The following SLC35G2 variants were observed in gnomAD, a reference collection of about 807,000 sequenced individuals.
SLC35G2 encodes the protein transmembrane protein 22.
Under a neutral mutation model 27.2 loss-of-function variants are expected in SLC35G2, and 20 were observed. The ratio of observed to expected loss-of-function variants is 0.74; its 90% CI spans 0.52 to 1.07. SLC35G2 has a LOEUF of 1.07. Among genes scored for constraint, SLC35G2 ranks in the 50% least tolerant of loss-of-function variants. The probability of loss-of-function intolerance (pLI) is 0.00; values close to 1 mark genes in which losing one functional copy is unlikely to be tolerated. For synonymous variants in SLC35G2, 148 were observed against 165.3 expected (o/e 0.90, Z 0.80); for missense variants, 416 against 493.3 (o/e 0.84, Z 1.48).
intron 1 of SLC35G2, among the ~76,000 whole-genome samples, chr3:136,836,548 G>T (rs1298552696): frequency 6.6e-6 from 1 of 152,182 alleles, no homozygotes; most frequent in Non-Finnish European, 1.5e-5. Flanking sequence ...GTTGATTTGT[G>T]AAACAGCTTC....
Position 136,854,591 on chromosome 3 carries a change from G to C in SLC35G2, c.131G>C (p.Gly44Ala), listed in dbSNP as rs750239917. Reference sequence around the variant, plus strand: ...GATGGATATGAAGAAATCAATGAAGGCTATGGAAATTTTATGGAGGAAAAT... The same window carrying C: ...GATGGATATGAAGAAATCAATGAAGCCTATGGAAATTTTATGGAGGAAAAT... ...GDDGYEEINEGYGNFMEENPK... is the reference protein window; with the variant it reads ...GDDGYEEINEAYGNFMEENPK... Residue 44 changes from glycine (G) to alanine (A), a missense_variant, in exon 2 of 2, where the codon GGC becomes GCC. Coordinates refer to ENST00000446465, the MANE Select transcript of SLC35G2 (RefSeq NM_025246.3). The C allele has an allele frequency of 1.2e-6, 2 of 1,613,182 alleles. No individual in the cohort carries two copies. Among genetic ancestry groups the C allele is most frequent in the Non-Finnish European group, 1.7e-6 (2 of 1,179,856 alleles).
intron 1 of SLC35G2, 28 bp from the exon 2 acceptor site, chr3:136,854,415 C>A (rs1560021742): frequency 7.0e-7 from 1 of 1,420,310 alleles, no homozygotes; most frequent in African/African-American, 1.4e-5. Flanking sequence ...AAATGAATGT[C>A]TTTTTGTCAA....
At chr3:136,836,671 C>G (rs1936880425) in intron 1 of SLC35G2, among the ~76,000 whole-genome samples, 1 of 152,124 alleles carries the variant, frequency 6.6e-6, no homozygotes, top group Non-Finnish European at 1.5e-5. Flanking sequence ...AGCATCAAGC[C>G]AAATGCTCTA....
chr3:136,820,773 A>G (rs962961032), intron 1 of SLC35G2, among the ~76,000 whole-genome samples: 7 of 152,228 alleles, frequency 4.6e-5, no homozygotes, highest in Non-Finnish European at 8.8e-5. Context: ...ATTTATTTTC[A>G]TAATCATCTG....
intron 1 of SLC35G2, among the ~76,000 whole-genome samples, chr3:136,826,198 G>A (rs750298363): frequency 5.3e-5 from 8 of 151,822 alleles, no homozygotes; most frequent in Non-Finnish European, 8.8e-5. Context: ...CACAATGCCC[G>A]GCTAATTTTT....
At chr3:136,819,769 T>C (rs1235909910) in intron 1 of SLC35G2, 141 bp downstream of exon 1, 1 of 152,268 alleles carries the variant, frequency 6.6e-6, no homozygotes, top group African/African-American at 2.4e-5. Flanking sequence ...CGCCAGTCTG[T>C]GGGCGCTGAG....
chr3:136,845,374 G>A (rs1415368043), intron 1 of SLC35G2, among the ~76,000 whole-genome samples: 1 of 152,168 alleles, frequency 6.6e-6, no homozygotes, highest in African/African-American at 2.4e-5. Flanking sequence ...TCCTGATGTG[G>A]AATCACTGTG....
intron 1 of SLC35G2, among the ~76,000 whole-genome samples, chr3:136,848,376 T>C (rs956276994): frequency 6.6e-5 from 10 of 152,156 alleles, no homozygotes; most frequent in Non-Finnish European, 1.3e-4. Flanking sequence ...CCCAGCACTT[T>C]GGGAGGCTGA....
chr3:136,838,246 CATATATATATATATATAT>C (rs6148084), intron 1 of SLC35G2: 3 of 140,992 alleles, frequency 2.1e-5, no homozygotes, highest in East Asian at 2.0e-4. Flanking sequence ...GTAGCATATA[CATATATATATATATATAT>C]ATATATATAT....
At chr3:136,831,631 A>G (rs1019305116) in intron 1 of SLC35G2, among the ~76,000 whole-genome samples, 2 of 152,198 alleles carry the variant, frequency 1.3e-5, no homozygotes, top group Non-Finnish European at 2.9e-5. Flanking sequence ...AGTTGAAGGC[A>G]TGTGGGTGGG....
chr3:136,850,452 A>T (rs1011987028), intron 1 of SLC35G2, among the ~76,000 whole-genome samples: 10 of 152,154 alleles, frequency 6.6e-5, no homozygotes, highest in African/African-American at 2.4e-4. Flanking sequence ...TATCTTTTCA[A>T]TTAGGCATGT....
intron 1 of SLC35G2, among the ~76,000 whole-genome samples, chr3:136,830,395 GC>G (rs1936699293): frequency 3.3e-5 from 5 of 152,186 alleles, no homozygotes; most frequent in African/African-American, 9.6e-5. Flanking sequence ...CCATTCTCCT[GC>G]CTCAGCCTCC....
chr3:136,840,528 C>T (rs988571438), intron 1 of SLC35G2, among the ~76,000 whole-genome samples: 2 of 146,656 alleles, frequency 1.4e-5, no homozygotes, highest in South Asian at 4.6e-4. Context: ...CTCTCTCTCT[C>T]CCTCCCTCCC....
At chr3:136,846,256 G>A (rs921777242) in intron 1 of SLC35G2, among the ~76,000 whole-genome samples, 1 of 152,150 alleles carries the variant, frequency 6.6e-6, no homozygotes, top group African/African-American at 2.4e-5. Flanking sequence ...TAGGAATGAG[G>A]TGGTCTCAGG....
chr3:136,845,960 G>A (rs2108024510), intron 1 of SLC35G2, among the ~76,000 whole-genome samples: 1 of 152,194 alleles, frequency 6.6e-6, no homozygotes, highest in Non-Finnish European at 1.5e-5. Context: ...CATTATTCTG[G>A]ATGTTTCTGT....
At chr3:136,844,797 CAAAAAAAAAAA>C (rs58243269) in intron 1 of SLC35G2, among the ~76,000 whole-genome samples, 3 of 35,782 alleles carry the variant, frequency 8.4e-5, no homozygotes, top group East Asian at 1.8e-3. Flanking sequence ...CTCTCTGTCT[CAAAAAAAAAAA>C]AAAAAAAAAA....
rs780588026 is a variant in SLC35G2, at chr3:136,854,863, G to A, written c.403G>A (p.Glu135Lys). Residue 135 changes from glutamate (E) to lysine (K), a missense_variant, in exon 2 of 2, where the codon GAA becomes AAA. Glu to Lys is a moderately conservative substitution (Grantham distance 56). Transcript: ENST00000446465. The stretch of plus-strand genomic sequence containing the variant: ...TGATCGGTCTAAAGTTCCATCTCTA[G>A]AACTGATTTTTATCCGTTCTGTTTT... ...VSDRSKVPSL[E>K]LIFIRSVFQV... is the part of the protein sequence containing the mutation. The A allele has an allele frequency of 8.1e-6, 13 of 1,614,050 alleles. No homozygotes were observed. In the African/African-American group the frequency reaches 1.7e-4, roughly 22 times the overall value.
Position 136,855,357 on chromosome 3 carries a change from A to G in SLC35G2, c.897A>G (p.Gly299=). Residue 299 remains glycine (G), a synonymous_variant, in exon 2 of 2, where the codon GGA becomes GGG. Coordinates refer to ENST00000446465, the MANE Select transcript of SLC35G2 (RefSeq NM_025246.3). ...FTFGWTGTIW[G]ISTMFILQEP... is the part of the protein sequence containing the mutation. ...TTGGTTGGACTGGGACAATTTGGGG[A>G]ATATCTACTATGTTTATTCTTCAAG... The G allele has an allele frequency of 1.2e-6, 2 of 1,614,168 alleles. No individual in the cohort carries two copies. The highest frequency in any genetic ancestry group is 1.7e-6 in the Non-Finnish European group (2 of 1,180,012).
intron 1 of SLC35G2, among the ~76,000 whole-genome samples, chr3:136,847,526 T>A (rs1164274752): frequency 6.6e-6 from 1 of 152,096 alleles, no homozygotes; most frequent in Non-Finnish European, 1.5e-5. Flanking sequence ...GGGGATTTAT[T>A]ATAAAGAACT....
Sources: allele counts gnomAD v4.1 joint callset (sites outside exome capture counted in the v4.1 genomes callset), GRCh38; gene constraint gnomAD v4.1.1; transcripts MANE v1.5; gene names NCBI Gene and HGNC (gene_info 2026-07-23, HGNC 2026-07-21).